The following MCTP2 variants were observed in gnomAD, a reference collection of about 807,000 sequenced individuals.
The protein encoded by MCTP2 is multiple C2 and transmembrane domain-containing protein 2.
MCTP2 carries 132 observed loss-of-function variants against 111.6 expected under a neutral mutation model. That is an observed-to-expected ratio of 1.18 (90% CI 1.03 to 1.37). MCTP2 has a LOEUF of 1.37. Ranked by LOEUF, MCTP2 falls within the 40% of genes most tolerant of loss-of-function variation. The pLI, the probability that MCTP2 is intolerant of heterozygous loss-of-function variation, is 0.00. For synonymous variants in MCTP2, 395 were observed against 387.7 expected, an observed-to-expected ratio of 1.02 and a Z score of -0.22; for missense variants, 1,183 against 1,067.9, an observed-to-expected ratio of 1.11 and a Z score of -1.50.
chr15:94,326,179 G>A (rs2076863839), intron 4 of MCTP2, among the ~76,000 whole-genome samples: 1 of 152,002 alleles, frequency 6.6e-6, no homozygotes, highest in Non-Finnish European at 1.5e-5. Flanking sequence ...GCTTTTAAAT[G>A]TTTGGTTACC....
intron 1 of MCTP2, among the ~76,000 whole-genome samples, chr15:94,244,095 CACAT>C (rs900803712): frequency 2.6e-4 from 14 of 54,082 alleles, no homozygotes; most frequent in African/African-American, 5.9e-4. Flanking sequence ...CATATGTATA[CACAT>C]ACATATGTGT....
At chr15:94,440,078 G>A in intron 17 of MCTP2, 98 bp from the exon 18 acceptor site, 2 of 1,338,952 alleles carry the variant, frequency 1.5e-6, no homozygotes, top group Non-Finnish European at 2.1e-6. Flanking sequence ...TGACTAGAAA[G>A]AGTCCAATTG....
intron 4 of MCTP2, among the ~76,000 whole-genome samples, chr15:94,327,227 T>C (rs1369288234): frequency 6.6e-6 from 1 of 152,234 alleles, no homozygotes; most frequent in Admixed American, 6.5e-5. Flanking sequence ...CATTTTTTCA[T>C]TTATTTCTTT....
At chr15:94,339,528 CT>C (rs1319279007) in intron 5 of MCTP2, 96 bp downstream of exon 5, 2 of 946,806 alleles carry the variant, frequency 2.1e-6, no homozygotes, top group African/African-American at 1.7e-5. Flanking sequence ...AAAATTAATT[CT>C]TTTATTAGGA....
At chr15:94,328,230 AC>A (rs2152386132) in intron 4 of MCTP2, among the ~76,000 whole-genome samples, 1 of 149,824 alleles carries the variant, frequency 6.7e-6, no homozygotes, top group Admixed American at 6.7e-5. Context: ...CCGGGTTCAT[AC>A]CATTCTCCTG....
At chr15:94,306,124 G>A (rs2075867998) in intron 2 of MCTP2, among the ~76,000 whole-genome samples, 2 of 152,162 alleles carry the variant, frequency 1.3e-5, no homozygotes, top group South Asian at 4.1e-4. Flanking sequence ...AGATGAATGG[G>A]GAGGTTATTC....
At chr15:94,303,124 A>AGTT (rs2075717783) in intron 2 of MCTP2, among the ~76,000 whole-genome samples, 4 of 143,962 alleles carry the variant, frequency 2.8e-5, no homozygotes, top group Admixed American at 7.0e-5. Flanking sequence ...TAGTTTATAT[A>AGTT]TATAGTTTAT....
intron 1 of MCTP2, among the ~76,000 whole-genome samples, chr15:94,243,115 GTA>G (rs1323067973): frequency 7.0e-6 from 1 of 143,628 alleles, no homozygotes; most frequent in Non-Finnish European, 1.5e-5. Context: ...CTACGGGTGT[GTA>G]TATATGTATC....
intron 17 of MCTP2, among the ~76,000 whole-genome samples, chr15:94,431,965 A>G (rs2083207122): frequency 6.6e-6 from 1 of 152,154 alleles, no homozygotes; most frequent in Non-Finnish European, 1.5e-5. Flanking sequence ...TTCTTGTCTC[A>G]AAGACCACTC....
chr15:94,232,759 A>G (rs1440149828), intron 1 of MCTP2, among the ~76,000 whole-genome samples: 1 of 152,188 alleles, frequency 6.6e-6, no homozygotes, highest in African/African-American at 2.4e-5. Flanking sequence ...CGCTGGTTAT[A>G]AGTATTTAAA....
intron 17 of MCTP2, among the ~76,000 whole-genome samples, chr15:94,431,562 G>A (rs1463517203): frequency 1.3e-5 from 2 of 152,202 alleles, no homozygotes; most frequent in African/African-American, 4.8e-5. Context: ...ATAGTGATAT[G>A]TAAGACATGT....
chr15:94,235,906 A>T (rs2070506051), intron 1 of MCTP2, among the ~76,000 whole-genome samples: 4 of 152,242 alleles, frequency 2.6e-5, no homozygotes, highest in Admixed American at 2.6e-4. Context: ...GTGCCTGTTT[A>T]ACAATCGTAG....
In MCTP2 at chr15:94,361,739, A is replaced by G. The variant is rs972899619; in HGVS notation, c.1301+3127A>G. Among the ~76,000 whole-genome samples the G allele has an allele frequency of 2.0e-5, 3 of 152,180 alleles. No homozygotes were observed. The South Asian group carries it at 6.2e-4, about 31-fold the overall frequency. ...TAGAATTTTTTGATATTTTTTGGTA[A>G]AAGTGGGCAGTGACCATCGTCAAGG... is the stretch of plus-strand genomic sequence containing the variant. On this transcript the variant is annotated intron_variant, in intron 10 of 22. Coordinates refer to ENST00000357742, the MANE Select transcript of MCTP2 (RefSeq NM_001385001.1).
intron 2 of MCTP2, among the ~76,000 whole-genome samples, chr15:94,310,356 AT>A (rs1300075921): frequency 6.6e-6 from 1 of 152,124 alleles, no homozygotes; most frequent in African/African-American, 2.4e-5. Flanking sequence ...GCACAGAGGC[AT>A]TTTTTTGGGT....
intron 14 of MCTP2, among the ~76,000 whole-genome samples, chr15:94,387,437 C>A (rs939316446): frequency 2.6e-5 from 4 of 152,006 alleles, no homozygotes; most frequent in Non-Finnish European, 5.9e-5. Context: ...AACCGCTGAC[C>A]TAAACTAATG....
intron 8 of MCTP2, among the ~76,000 whole-genome samples, chr15:94,351,125 A>T (rs1056357996): frequency 2.6e-5 from 4 of 152,200 alleles, no homozygotes; most frequent in Non-Finnish European, 5.9e-5. Context: ...AACTGATACC[A>T]TTTTTATCTA....
intron 17 of MCTP2, among the ~76,000 whole-genome samples, chr15:94,430,949 C>G (rs1027635727): frequency 1.3e-5 from 2 of 152,136 alleles, no homozygotes; most frequent in Admixed American, 1.3e-4. Context: ...AAACCCAGCC[C>G]CACTGCCTGA....
At chr15:94,473,125 CATATTTTT>C (rs139253580) in intron 21 of MCTP2, among the ~76,000 whole-genome samples, 2,820 of 151,930 alleles carry the variant, frequency 0.019, 84 homozygotes, top group African/African-American at 0.063. Flanking sequence ...ATCCTCAAGT[CATATTTTT>C]ATATAAGTAT....
intron 2 of MCTP2, among the ~76,000 whole-genome samples, chr15:94,300,481 G>T (rs2075555739): frequency 6.9e-6 from 1 of 145,006 alleles, no homozygotes; most frequent in South Asian, 2.2e-4. Flanking sequence ...CTGCACTCCA[G>T]CCTGGGTGAC....
Sources: gnomAD v4.1 joint callset for allele counts (sites outside exome capture counted in the v4.1 genomes callset) on GRCh38, gnomAD v4.1.1 for gene constraint, MANE v1.5 for transcripts, NCBI Gene and HGNC (gene_info 2026-07-23, HGNC 2026-07-21) for gene names.